NDST4: variants seen among roughly 807,000 people sequenced by gnomAD.
NDST4 encodes the protein N-heparan sulfate sulfotransferase 4.
Under a neutral mutation model 100.8 loss-of-function variants are expected in NDST4, and 63 were observed. The ratio of observed to expected loss-of-function variants is 0.62; its 90% CI spans 0.51 to 0.77. NDST4 has a LOEUF of 0.77. Ranked by LOEUF, NDST4 falls within the 30% of genes least tolerant of loss-of-function variation. NDST4 has a pLI of 0.00. For missense variants in NDST4, 943 were observed against 1,018.4 expected, an observed-to-expected ratio of 0.93 and a Z score of 1.01; for synonymous variants, 377 against 361.8, an observed-to-expected ratio of 1.04 and a Z score of -0.48.
chr4:114,864,454 G>A (rs1179245557), intron 7 of NDST4, among the ~76,000 whole-genome samples: 6 of 152,076 alleles, frequency 3.9e-5, no homozygotes, highest in African/African-American at 9.7e-5. Flanking sequence ...TCTTTAAAAT[G>A]CCCTTTCCAA....
chr4:114,831,468 A>G (rs1019451173), intron 12 of NDST4, among the ~76,000 whole-genome samples: 7 of 152,360 alleles, frequency 4.6e-5, no homozygotes, highest in Admixed American at 2.0e-4. Flanking sequence ...TGAAGTTGGC[A>G]TAACAGTGCC....
chr4:114,918,496 A>T (rs1175081848), intron 6 of NDST4, among the ~76,000 whole-genome samples: 2 of 152,006 alleles, frequency 1.3e-5, no homozygotes, highest in East Asian at 3.9e-4. Context: ...TACATATGTA[A>T]CTAACCTGCA....
At chr4:115,030,185 T>C (rs192372439) in intron 2 of NDST4, among the ~76,000 whole-genome samples, 19 of 152,174 alleles carry the variant, frequency 1.2e-4, no homozygotes, top group African/African-American at 4.3e-4. Flanking sequence ...TTTGTGAAAA[T>C]ATATTAGGTT....
chr4:114,830,254 G>A (rs1723165606), intron 12 of NDST4, among the ~76,000 whole-genome samples: 1 of 152,078 alleles, frequency 6.6e-6, no homozygotes, highest in African/African-American at 2.4e-5. Flanking sequence ...TTTACTTATG[G>A]ATGTGATTTC....
intron 2 of NDST4, among the ~76,000 whole-genome samples, chr4:115,019,348 A>G (rs1418824841): frequency 6.6e-6 from 1 of 152,072 alleles, no homozygotes; most frequent in Non-Finnish European, 1.5e-5. Context: ...AAAGCAGGTG[A>G]CCTGATATAT....
At chr4:114,869,248 T>C (rs1475745057) in intron 7 of NDST4, among the ~76,000 whole-genome samples, 1 of 151,768 alleles carries the variant, frequency 6.6e-6, no homozygotes, top group Admixed American at 6.6e-5. Context: ...TAGTTCATCA[T>C]TAAAAAAAAG....
Position 114,970,593 on chromosome 4 carries a change from C to T in NDST4, c.1067-9G>A, listed in dbSNP as rs1560836926. On this transcript the variant is annotated splice_polypyrimidine_tract_variant and intron_variant, in intron 3 of 13. Coordinates refer to ENST00000264363, the MANE Select transcript of NDST4 (RefSeq NM_022569.3). ...ATCTTCCTCTTCAGTCCCTTTAAAA[C>T]ATAAAGTTAAAAATAACTTTAGTGA... is the stretch of plus-strand genomic sequence containing the variant. 2.5e-6 allele frequency: 4 copies of T among 1,600,926 alleles called. No homozygotes were observed. The highest frequency in any genetic ancestry group is 3.4e-6 in the Non-Finnish European group (4 of 1,173,542).
At position 115,077,095 on chromosome 4, in the gene NDST4, G is replaced by T; in HGVS notation, c.-59C>A. On this transcript the variant is annotated 5_prime_UTR_variant, in exon 2 of 14. Coordinates refer to ENST00000264363, the MANE Select transcript of NDST4 (RefSeq NM_022569.3). ...ATTTCGTTTCCTAAAGTGCCATAGT[G>T]AATAAAGTATGAGATGTTGCAAATA... The T allele has an allele frequency of 6.9e-7, 1 of 1,447,510 alleles. No homozygotes were observed. The allele number at this position is 1,447,510 out of a possible 1,614,324, so 89.7% of individuals were successfully genotyped here.
At chr4:114,914,145 A>G (rs1333493422) in intron 6 of NDST4, among the ~76,000 whole-genome samples, 2 of 152,042 alleles carry the variant, frequency 1.3e-5, no homozygotes, top group Non-Finnish European at 2.9e-5. Flanking sequence ...AATTGAATTC[A>G]TGGAGATAGA....
intron 6 of NDST4, among the ~76,000 whole-genome samples, chr4:114,880,032 C>T (rs575818935): frequency 1.6e-4 from 25 of 152,194 alleles, no homozygotes; most frequent in Non-Finnish European, 3.2e-4. Context: ...GTGTAAACAC[C>T]GACCTTCCTC....
chr4:114,986,793 C>CATACATACAT (rs1553959380), intron 2 of NDST4, among the ~76,000 whole-genome samples: 1 of 91,148 alleles, frequency 1.1e-5, no homozygotes, highest in African/African-American at 4.5e-5. Context: ...TCCAATTATA[C>CATACATACAT]ATATATATAT....
Position 115,088,505 on chromosome 4 carries a change from C to T in NDST4, c.-246-11223G>A, listed in dbSNP as rs77034472. ...TTATAATCTTCAGGTATCTGAATGG[C>T]TTCAGTCCCTACCACTTCCTCACCT... is the stretch of plus-strand genomic sequence containing the variant. On this transcript the variant is annotated intron_variant, in intron 1 of 13. Coordinates refer to ENST00000264363, the MANE Select transcript of NDST4 (RefSeq NM_022569.3). 3.9e-3 allele frequency among the ~76,000 whole-genome samples: 593 copies of T among 152,012 alleles called. 3 individuals carry two copies. The highest frequency in any genetic ancestry group is 0.014 in the African/African-American group (566 of 41,518).
intron 12 of NDST4, among the ~76,000 whole-genome samples, chr4:114,830,121 T>C (rs1171999833): frequency 6.6e-6 from 1 of 152,214 alleles, no homozygotes; most frequent in Non-Finnish European, 1.5e-5. Context: ...AAATAGATCT[T>C]TAGTTTACTT....
chr4:114,931,012 A>G (rs917144962), intron 6 of NDST4, among the ~76,000 whole-genome samples: 3 of 152,090 alleles, frequency 2.0e-5, no homozygotes, highest in Non-Finnish European at 4.4e-5. Context: ...ATCTAGTTTC[A>G]ATTCAGCTTT....
intron 1 of NDST4, among the ~76,000 whole-genome samples, chr4:115,110,555 G>A (rs538528807): frequency 2.6e-5 from 4 of 151,972 alleles, no homozygotes; most frequent in Admixed American, 2.6e-4. Flanking sequence ...TACTAGGCCA[G>A]GTATTTTAAT....
At chr4:114,852,883 A>T in intron 7 of NDST4, 62 bp from the exon 8 acceptor site, 1 of 1,180,048 alleles carries the variant, frequency 8.5e-7, no homozygotes, top group Non-Finnish European at 1.2e-6. Flanking sequence ...GTTCTCTAAA[A>T]ATTGTTCAAA....
intron 2 of NDST4, among the ~76,000 whole-genome samples, chr4:115,016,020 G>A (rs189245581): frequency 4.6e-5 from 7 of 152,056 alleles, no homozygotes; most frequent in African/African-American, 9.6e-5. Context: ...CCTTCCCTCC[G>A]TGCAATGCTT....
intron 12 of NDST4, 42 bp downstream of exon 12, chr4:114,833,564 G>T (rs1026551602): frequency 7.7e-7 from 1 of 1,298,376 alleles, no homozygotes; most frequent in South Asian, 1.2e-5. Flanking sequence ...AATTTATGAT[G>T]GCAAATAATG....
chr4:114,993,815 A>G (rs1727102951), intron 2 of NDST4, among the ~76,000 whole-genome samples: 3 of 152,056 alleles, frequency 2.0e-5, no homozygotes, highest in African/African-American at 7.2e-5. Context: ...GCAACTCAGG[A>G]TGCAAAATAA....
Sources: allele counts gnomAD v4.1 joint callset (sites outside exome capture counted in the v4.1 genomes callset), GRCh38; gene constraint gnomAD v4.1.1; transcripts MANE v1.5; gene names NCBI Gene and HGNC (gene_info 2026-07-23, HGNC 2026-07-21).